PLXDC2: variants seen among roughly 807,000 people sequenced by gnomAD.
The protein encoded by PLXDC2 is plexin domain containing 2, also known as plexin domain-containing protein 2.
A neutral mutation model predicts 68.9 loss-of-function variants in PLXDC2; 40 were observed. The observed-to-expected ratio is 0.58, with a 90% confidence interval of 0.45 to 0.76. The LOEUF (loss-of-function observed/expected upper bound fraction) is 0.76, where lower values mean the gene tolerates loss of function less well. Ranked by LOEUF, PLXDC2 falls within the 30% of genes least tolerant of loss-of-function variation. The pLI is 0.00. For synonymous variants in PLXDC2, 243 were observed against 234.2 expected (o/e 1.04, Z -0.34); for missense variants, 644 against 661.9 (o/e 0.97, Z 0.30).
At chr10:20,111,547 G>A (rs979210191) in intron 4 of PLXDC2, among the ~76,000 whole-genome samples, 25 of 151,988 alleles carry the variant, frequency 1.6e-4, no homozygotes, top group African/African-American at 5.6e-4. Flanking sequence ...TAGTTCAAAA[G>A]ATAAAACAAA....
At chr10:19,824,375 T>C (rs1292151439) in intron 1 of PLXDC2, among the ~76,000 whole-genome samples, 1 of 152,214 alleles carries the variant, frequency 6.6e-6, no homozygotes, top group Non-Finnish European at 1.5e-5. Flanking sequence ...TTTTCTCACT[T>C]AAAATCTTGT....
chr10:20,232,785 G>C (rs1835382445), intron 12 of PLXDC2, among the ~76,000 whole-genome samples: 1 of 152,090 alleles, frequency 6.6e-6, no homozygotes, highest in Non-Finnish European at 1.5e-5. Flanking sequence ...GAATGGAAGT[G>C]TTTCATATGA....
At chr10:19,880,913 CAATT>C (rs994509873) in intron 1 of PLXDC2, among the ~76,000 whole-genome samples, 1 of 152,162 alleles carries the variant, frequency 6.6e-6, no homozygotes, top group Admixed American at 6.5e-5. Context: ...CCTTTCTTAT[CAATT>C]ATCTCATTTT....
chr10:20,105,016 A>C (rs11011802), intron 4 of PLXDC2, among the ~76,000 whole-genome samples: 12,876 of 136,312 alleles, frequency 0.094, 1,147 homozygotes, highest in African/African-American at 0.25. Flanking sequence ...ACACCACAGC[A>C]CTCCAGCCTG....
At chr10:20,099,953 A>C (rs1163522878) in intron 4 of PLXDC2, among the ~76,000 whole-genome samples, 1 of 152,212 alleles carries the variant, frequency 6.6e-6, no homozygotes, top group Non-Finnish European at 1.5e-5. Flanking sequence ...TATTAGTGAC[A>C]CAAAAGAAAA....
chr10:20,114,118 C>T (rs1833593418), intron 4 of PLXDC2, among the ~76,000 whole-genome samples: 1 of 152,102 alleles, frequency 6.6e-6, no homozygotes, highest in Admixed American at 6.5e-5. Flanking sequence ...AGTGAGACCC[C>T]ATGTCAAAAC....
intron 1 of PLXDC2, among the ~76,000 whole-genome samples, chr10:19,938,785 T>A (rs910985584): frequency 1.3e-5 from 2 of 152,236 alleles, no homozygotes; most frequent in Non-Finnish European, 2.9e-5. Flanking sequence ...AGGCTGATTA[T>A]CAACAGTGTT....
At chr10:20,160,399 C>G (rs573840619) in intron 6 of PLXDC2, among the ~76,000 whole-genome samples, 1 of 152,156 alleles carries the variant, frequency 6.6e-6, no homozygotes, top group Non-Finnish European at 1.5e-5. Context: ...TTCTACCTAA[C>G]TTCTACTCTC....
At chr10:20,048,377 C>G (rs1356535911) in intron 3 of PLXDC2, among the ~76,000 whole-genome samples, 1 of 152,018 alleles carries the variant, frequency 6.6e-6, no homozygotes, top group East Asian at 1.9e-4. Flanking sequence ...CATCCACCCC[C>G]ACCCCAGTTT....
At chr10:20,182,690 T>A (rs564068612) in intron 9 of PLXDC2, among the ~76,000 whole-genome samples, 31 of 152,050 alleles carry the variant, frequency 2.0e-4, no homozygotes, top group Non-Finnish European at 4.3e-4. Context: ...TTTTTTTTTT[T>A]AATTTTACTT....
At chr10:20,123,906 G>A (rs1833734301) in intron 4 of PLXDC2, among the ~76,000 whole-genome samples, 1 of 151,862 alleles carries the variant, frequency 6.6e-6, no homozygotes, top group Non-Finnish European at 1.5e-5. Flanking sequence ...GGAAATAAGG[G>A]ATCAGGGCAC....
chr10:19,971,786 G>C (rs564223836), intron 1 of PLXDC2, among the ~76,000 whole-genome samples: 7 of 152,094 alleles, frequency 4.6e-5, no homozygotes, highest in African/African-American at 1.7e-4. Flanking sequence ...TAACAAGCTG[G>C]GATTATAACA....
intron 9 of PLXDC2, among the ~76,000 whole-genome samples, chr10:20,193,348 G>GA (rs1213398400): frequency 1.3e-5 from 2 of 151,908 alleles, no homozygotes; most frequent in Non-Finnish European, 2.9e-5. Context: ...AATCTAGTTT[G>GA]AAAAAAATAT....
intron 4 of PLXDC2, among the ~76,000 whole-genome samples, chr10:20,123,305 C>G (rs1833725131): frequency 6.6e-6 from 1 of 151,892 alleles, no homozygotes; most frequent in African/African-American, 2.4e-5. Flanking sequence ...ACTGAGGGGA[C>G]AGACAGGAGG....
rs141914014 is a variant in PLXDC2 at position 20,145,695 on chromosome 10, G to C, written c.665-2089G>C. ...CTCCCGAGTAGCTGGGACTACAGGCGCCCACCACCACGCCCGGCTAATTTT... is the reference window on the plus strand; with the variant it reads ...CTCCCGAGTAGCTGGGACTACAGGCCCCCACCACCACGCCCGGCTAATTTT... On this transcript the variant is annotated intron_variant, in intron 5 of 13. Coordinates refer to ENST00000377252, the MANE Select transcript of PLXDC2 (RefSeq NM_032812.9). Among the ~76,000 whole-genome samples, 67 of 151,948 alleles carry C rather than the reference G, an allele frequency of 4.4e-4. 1 individual carries two copies. The highest frequency in any genetic ancestry group is 1.6e-3 in the African/African-American group (65 of 41,424).
intron 4 of PLXDC2, among the ~76,000 whole-genome samples, chr10:20,089,698 G>T (rs12264569): frequency 6.6e-6 from 1 of 152,040 alleles, no homozygotes; most frequent in Non-Finnish European, 1.5e-5. Flanking sequence ...ACAGTGGTGC[G>T]TAAATTGGTC....
chr10:20,231,453 A>G (rs1355319910), intron 12 of PLXDC2, among the ~76,000 whole-genome samples: 6 of 151,616 alleles, frequency 4.0e-5, no homozygotes, highest in African/African-American at 1.2e-4. Context: ...AGAAAGGATT[A>G]GAAAGGAAAA....
rs1243311040 is a variant in PLXDC2, at chr10:20,154,819, G to A, written c.783+6917G>A. Among the ~76,000 whole-genome samples, 5 of 151,908 alleles carry A rather than the reference G, an allele frequency of 3.3e-5. No individual in the cohort carries two copies. In the East Asian group the frequency reaches 9.7e-4, roughly 29 times the overall value. On this transcript the variant is annotated intron_variant, in intron 6 of 13. Coordinates refer to ENST00000377252, the MANE Select transcript of PLXDC2 (RefSeq NM_032812.9). ...TTCACTAGCTTATGTGAGGAATAAG[G>A]ATAGTCATTAGGTTAGGAAACTGTA...
intron 4 of PLXDC2, among the ~76,000 whole-genome samples, chr10:20,095,483 A>G (rs1176789972): frequency 1.3e-5 from 2 of 152,208 alleles, no homozygotes; most frequent in Non-Finnish European, 2.9e-5. Flanking sequence ...TGGAAAAAAT[A>G]TGGAATAGCC....
Sources: allele counts gnomAD v4.1 joint callset (sites outside exome capture counted in the v4.1 genomes callset), GRCh38; gene constraint gnomAD v4.1.1; transcripts MANE v1.5; gene names NCBI Gene and HGNC (gene_info 2026-07-23, HGNC 2026-07-21).